RASA3: variants seen among roughly 807,000 people sequenced by gnomAD.
The protein encoded by RASA3 is RAS p21 protein activator 3.
A neutral mutation model predicts 110.0 loss-of-function variants in RASA3; 73 were observed. The ratio of observed to expected loss-of-function variants is 0.66; its 90% CI spans 0.55 to 0.81. The LOEUF (loss-of-function observed/expected upper bound fraction) is 0.81, where lower values mean the gene tolerates loss of function less well. Ranked by LOEUF, RASA3 falls within the 30% of genes least tolerant of loss-of-function variation. The pLI is 0.00. For synonymous variants in RASA3, 500 were observed against 451.4 expected (o/e 1.11, Z -1.37); for missense variants, 976 against 1,113.2 (o/e 0.88, Z 1.75).
chr13:114,052,374 T>C (rs1290144676), intron 2 of RASA3, among the ~76,000 whole-genome samples: 1 of 152,192 alleles, frequency 6.6e-6, no homozygotes, highest in Non-Finnish European at 1.5e-5. Context: ...GATGAACTTC[T>C]GTACTGGGCT....
intron 17 of RASA3, among the ~76,000 whole-genome samples, chr13:114,007,962 G>GTT (rs1594310476): frequency 8.3e-6 from 1 of 120,956 alleles, no homozygotes; most frequent in Non-Finnish European, 1.8e-5. Flanking sequence ...CTGGGGCCTG[G>GTT]AGGTTGCCCC....
At chr13:114,004,702 C>T (rs1048444096) in intron 18 of RASA3, among the ~76,000 whole-genome samples, 24 of 152,172 alleles carry the variant, frequency 1.6e-4, no homozygotes, top group African/African-American at 5.8e-4. Flanking sequence ...TGGAAATTAG[C>T]GCTTAAGGAA....
At chr13:114,101,254 G>C (rs2080056951) in intron 1 of RASA3, among the ~76,000 whole-genome samples, 1 of 152,204 alleles carries the variant, frequency 6.6e-6, no homozygotes, top group Non-Finnish European at 1.5e-5. Context: ...GAAGGGAAGG[G>C]AAAATCCAAC....
At position 114,071,708 on chromosome 13, in the gene RASA3, C is replaced by T. The variant is rs115212875; in HGVS notation, c.173+2012G>A. On this transcript the variant is annotated intron_variant, in intron 2 of 23. Transcript: ENST00000334062. Reference sequence around the variant, plus strand: ...GAACCCGGAGCGTGCATTAACATAACACAAATGACTCTCACTCCTCGGCCT... The same window carrying T: ...GAACCCGGAGCGTGCATTAACATAATACAAATGACTCTCACTCCTCGGCCT... Among the ~76,000 whole-genome samples the T allele has an allele frequency of 4.2e-3, 644 of 152,244 alleles. 4 individuals carry two copies. The highest frequency in any genetic ancestry group is 0.015 in the African/African-American group (616 of 41,526).
chr13:114,099,373 G>A (rs553417911), intron 1 of RASA3, among the ~76,000 whole-genome samples: 5 of 152,084 alleles, frequency 3.3e-5, no homozygotes, highest in Middle Eastern at 3.4e-3. Flanking sequence ...ACACAGGGAC[G>A]GTACAGAAAT....
chr13:114,071,627 CT>C (rs2079573679), intron 2 of RASA3, among the ~76,000 whole-genome samples: 1 of 152,232 alleles, frequency 6.6e-6, no homozygotes, highest in Admixed American at 6.5e-5. Context: ...TAAAGCCAGA[CT>C]GGGCGCCTGA....
At chr13:114,074,750 G>A (rs2079638693) in intron 1 of RASA3, among the ~76,000 whole-genome samples, 1 of 152,204 alleles carries the variant, frequency 6.6e-6, no homozygotes, top group African/African-American at 2.4e-5. Context: ...GCCAGTTCCT[G>A]GCTGGCCCTG....
intron 4 of RASA3, among the ~76,000 whole-genome samples, chr13:114,032,546 C>A (rs1201222502): frequency 1.3e-5 from 2 of 152,098 alleles, no homozygotes; most frequent in Non-Finnish European, 2.9e-5. Context: ...AGGGTGCACA[C>A]CCCGAAGCCC....
At chr13:113,979,855 A>G (rs924199101) in intron 23 of RASA3, among the ~76,000 whole-genome samples, 1 of 151,678 alleles carries the variant, frequency 6.6e-6, no homozygotes, top group Non-Finnish European at 1.5e-5. Context: ...CCCTCATACC[A>G]TGTGTGTGCA....
At chr13:114,094,524 G>A (rs2079921478) in intron 1 of RASA3, among the ~76,000 whole-genome samples, 1 of 152,150 alleles carries the variant, frequency 6.6e-6, no homozygotes, top group African/African-American at 2.4e-5. Context: ...TGGCTGCACA[G>A]CATTGTAAAT....
intron 2 of RASA3, among the ~76,000 whole-genome samples, chr13:114,067,920 T>C (rs1388455852): frequency 1.3e-5 from 2 of 152,204 alleles, no homozygotes; most frequent in Non-Finnish European, 2.9e-5. Flanking sequence ...GAACAAGAAC[T>C]CCCCCATAAT....
chr13:114,093,402 A>G (rs1268733355), intron 1 of RASA3, among the ~76,000 whole-genome samples: 8 of 152,218 alleles, frequency 5.3e-5, no homozygotes, highest in Admixed American at 1.3e-4. Context: ...CTCCTGGCCT[A>G]TAAGGTTTCT....
Position 113,996,598 on chromosome 13 carries a change from G to T in RASA3, c.2074C>A (p.Leu692Met). ...RLTVYHPSAY[L>M]SGHWLCCRAP... Reference sequence around the variant, plus strand: ...CTACAGCACAGCCAGTGGCCGCTCAGGTAGGCGGACGGGTGGTAGACGGTG... The same window carrying T: ...CTACAGCACAGCCAGTGGCCGCTCATGTAGGCGGACGGGTGGTAGACGGTG... The change falls in exon 21 of 24, where the codon CTG (leucine) becomes ATG (methionine). Residue 692 changes from leucine (L) to methionine (M), a missense_variant. Transcript: ENST00000334062. 6.2e-7 allele frequency: 1 copy of T among 1,613,646 alleles called. No homozygotes were observed. The highest frequency in any genetic ancestry group is 8.5e-7 in the Non-Finnish European group (1 of 1,180,036).
intron 4 of RASA3, among the ~76,000 whole-genome samples, chr13:114,032,822 C>T (rs1406945771): frequency 1.7e-5 from 1 of 60,356 alleles, no homozygotes; most frequent in Admixed American, 1.6e-4. Flanking sequence ...TGACACCACG[C>T]CCCACGGCAC....
chr13:114,073,639 G>C (rs1033038122), intron 2 of RASA3, 81 bp downstream of exon 2: 2 of 1,136,604 alleles, frequency 1.8e-6, no homozygotes, highest in Non-Finnish European at 2.7e-6. Flanking sequence ...TGGGAAAATG[G>C]GAAGGTGACG....
At chr13:114,005,080 C>T (rs746771417) in intron 18 of RASA3, among the ~76,000 whole-genome samples, 25 of 152,248 alleles carry the variant, frequency 1.6e-4, no homozygotes, top group South Asian at 1.0e-3. Flanking sequence ...AGGGGCGGGG[C>T]GCTCTGGGAC....
intron 2 of RASA3, among the ~76,000 whole-genome samples, chr13:114,068,230 G>A (rs1223487886): frequency 6.6e-6 from 1 of 152,236 alleles, no homozygotes; most frequent in Non-Finnish European, 1.5e-5. Context: ...GGGGGGGCCA[G>A]GGCTCCGCGT....
At chr13:114,049,693 A>G (rs568456318) in intron 3 of RASA3, among the ~76,000 whole-genome samples, 1 of 152,348 alleles carries the variant, frequency 6.6e-6, no homozygotes, top group South Asian at 2.1e-4. Context: ...GAGCCCCGCC[A>G]GATACACCAT....
At chr13:114,090,751 A>C (rs2079880700) in intron 1 of RASA3, among the ~76,000 whole-genome samples, 2 of 152,212 alleles carry the variant, frequency 1.3e-5, no homozygotes, top group Non-Finnish European at 2.9e-5. Flanking sequence ...TGCTTCCTCT[A>C]AATTCACAGG....
Sources: gnomAD v4.1 joint callset for allele counts (sites outside exome capture counted in the v4.1 genomes callset) on GRCh38, gnomAD v4.1.1 for gene constraint, MANE v1.5 for transcripts, NCBI Gene and HGNC (gene_info 2026-07-23, HGNC 2026-07-21) for gene names.